PCMTD1: variants seen among roughly 807,000 people sequenced by gnomAD.
PCMTD1 encodes the protein protein-L-isoaspartate (D-aspartate) O-methyltransferase domain containing 1, also known as protein-L-isoaspartate O-methyltransferase domain-containing protein 1.
PCMTD1 carries 12 observed loss-of-function variants against 37.6 expected under a neutral mutation model. The observed-to-expected ratio is 0.32, with a 90% confidence interval of 0.20 to 0.52. The LOEUF is 0.52. Ranked by LOEUF, PCMTD1 falls within the 20% of genes least tolerant of loss-of-function variation. The probability of loss-of-function intolerance (pLI) is 0.97; values close to 1 mark genes in which losing one functional copy is unlikely to be tolerated. For synonymous variants in PCMTD1, 117 were observed against 135.8 expected, an observed-to-expected ratio of 0.86 and a Z score of 0.96; for missense variants, 235 against 421.3, an observed-to-expected ratio of 0.56 and a Z score of 3.87.
rs140162010 is a variant in PCMTD1, at chr8:51,884,248, G to A, written c.-96+14682C>T. On this transcript the variant is annotated intron_variant, in intron 1 of 5. Coordinates refer to ENST00000522514, the MANE Select transcript of PCMTD1 (RefSeq NM_052937.4). ...AGAGCCACTGATCTGAGTCAGTGTG[G>A]TAAAAACAAGCAGTGCCTAAATATT... 2.9e-3 allele frequency among the ~76,000 whole-genome samples: 448 copies of A among 152,236 alleles called. 1 individual carries two copies. Among genetic ancestry groups the A allele is most frequent in the African/African-American group, 0.01 (421 of 41,544 alleles).
chr8:51,891,185 A>G (rs527750998), intron 1 of PCMTD1, among the ~76,000 whole-genome samples: 1 of 152,348 alleles, frequency 6.6e-6, no homozygotes, highest in East Asian at 1.9e-4. Flanking sequence ...GAAATGGGTC[A>G]GTGCAAATGA....
intron 5 of PCMTD1, among the ~76,000 whole-genome samples, chr8:51,827,904 T>C (rs2037944029): frequency 6.6e-6 from 1 of 152,212 alleles, no homozygotes; most frequent in African/African-American, 2.4e-5. Context: ...ATCCAACCAA[T>C]GGCAGTCTTA....
At chr8:51,840,559 T>C (rs1455115507) in intron 3 of PCMTD1, among the ~76,000 whole-genome samples, 5 of 152,092 alleles carry the variant, frequency 3.3e-5, no homozygotes, top group African/African-American at 1.2e-4. Flanking sequence ...TGGAATAATA[T>C]TGAATATATA....
intron 5 of PCMTD1, among the ~76,000 whole-genome samples, chr8:51,823,444 A>C (rs1478214658): frequency 1.3e-5 from 2 of 152,198 alleles, no homozygotes; most frequent in Non-Finnish European, 2.9e-5. Flanking sequence ...CAGCCTGGGC[A>C]ATAGAGTGAG....
At chr8:51,850,497 G>A (rs1198550130) in intron 2 of PCMTD1, among the ~76,000 whole-genome samples, 3 of 152,176 alleles carry the variant, frequency 2.0e-5, no homozygotes, top group African/African-American at 7.2e-5. Context: ...CCCAGGGTCT[G>A]CAGATAATCC....
rs191677847 is a variant in PCMTD1, at chr8:51,862,728, T to C, written c.-95-1482A>G. 1.5e-3 allele frequency among the ~76,000 whole-genome samples: 222 copies of C among 152,292 alleles called. 1 individual carries two copies. The highest frequency in any genetic ancestry group is 5.0e-3 in the African/African-American group (207 of 41,568). ...AGGGCAGCTCCCCTAACACAGCCTA[T>C]CATATTGTCTTTGTCTGTGTCCACT... On this transcript the variant is annotated intron_variant, in intron 1 of 5. Transcript: ENST00000522514.
intron 1 of PCMTD1, among the ~76,000 whole-genome samples, chr8:51,893,671 CA>C (rs2129296148): frequency 6.6e-6 from 1 of 152,120 alleles, no homozygotes; most frequent in East Asian, 1.9e-4. Flanking sequence ...AGGATATGTG[CA>C]CATGGAAAGA....
chr8:51,895,822 T>G (rs1392146933), intron 1 of PCMTD1: 2 of 152,190 alleles, frequency 1.3e-5, no homozygotes, highest in African/African-American at 4.8e-5. Flanking sequence ...ATGAATCCAA[T>G]TATCATCCTT....
chr8:51,870,258 A>G (rs1305131091), intron 1 of PCMTD1: 1 of 152,188 alleles, frequency 6.6e-6, no homozygotes, highest in Non-Finnish European at 1.5e-5. Context: ...CAGTGATCCA[A>G]AGGAAAACAC....
At chr8:51,843,924 A>T (rs1299702885) in intron 3 of PCMTD1, among the ~76,000 whole-genome samples, 4 of 152,162 alleles carry the variant, frequency 2.6e-5, no homozygotes, top group African/African-American at 9.7e-5. Context: ...CTTAAAATAG[A>T]CCTTAAAAAT....
chr8:51,834,115 G>A (rs2038034654), intron 3 of PCMTD1, among the ~76,000 whole-genome samples: 1 of 152,110 alleles, frequency 6.6e-6, no homozygotes, highest in African/African-American at 2.4e-5. Flanking sequence ...GGTTTGTGTA[G>A]AATTCATCTC....
chr8:51,899,166 G>C (rs1194145684), upstream of PCMTD1: 1 of 1,315,504 alleles, frequency 7.6e-7, no homozygotes, highest in Non-Finnish European at 9.7e-7. Flanking sequence ...AAGTCAACAA[G>C]GCCGGGAGAC....
At chr8:51,868,272 A>G (rs1047986308) in intron 1 of PCMTD1, among the ~76,000 whole-genome samples, 1 of 152,176 alleles carries the variant, frequency 6.6e-6, no homozygotes, top group Non-Finnish European at 1.5e-5. Context: ...ACTGAGTGAG[A>G]GAGAAGAGGA....
intron 1 of PCMTD1, among the ~76,000 whole-genome samples, chr8:51,879,966 T>C (rs1393403955): frequency 2.6e-5 from 4 of 151,762 alleles, no homozygotes; most frequent in Non-Finnish European, 5.9e-5. Context: ...GAGGATTGCT[T>C]GAGGCCAGGA....
chr8:51,872,457 G>T (rs1304552159), intron 1 of PCMTD1, among the ~76,000 whole-genome samples: 2 of 151,996 alleles, frequency 1.3e-5, no homozygotes, highest in African/African-American at 4.8e-5. Context: ...TATCCTTATG[G>T]GAACTGCAGC....
rs147098906 is a variant in PCMTD1, at chr8:51,877,204, A to G, written c.-95-15958T>C. ...GCAGTTTTGCCATGAGAGTACACCGAACAAAGGAGACAGGGTCATTTATAA... is the reference window on the plus strand; with the variant it reads ...GCAGTTTTGCCATGAGAGTACACCGGACAAAGGAGACAGGGTCATTTATAA... On this transcript the variant is annotated intron_variant, in intron 1 of 5. Coordinates refer to ENST00000522514, the MANE Select transcript of PCMTD1 (RefSeq NM_052937.4). 2.7e-3 allele frequency among the ~76,000 whole-genome samples: 415 copies of G among 152,360 alleles called. 1 individual carries two copies. The highest frequency in any genetic ancestry group is 9.4e-3 in the African/African-American group (391 of 41,578).
intron 1 of PCMTD1, among the ~76,000 whole-genome samples, chr8:51,893,047 G>T (rs1368046507): frequency 6.6e-6 from 1 of 152,114 alleles, no homozygotes; most frequent in Non-Finnish European, 1.5e-5. Flanking sequence ...TATCTTCAAA[G>T]AAGTATTTAT....
At chr8:51,867,476 G>GTGTGTGT (rs1241435002) in intron 1 of PCMTD1, among the ~76,000 whole-genome samples, 1 of 141,484 alleles carries the variant, frequency 7.1e-6, no homozygotes, top group African/African-American at 2.7e-5. Context: ...TAAAGAAAAT[G>GTGTGTGT]GTGTGTGTGT....
intron 1 of PCMTD1, among the ~76,000 whole-genome samples, chr8:51,889,865 C>CGT (rs3075018): frequency 0.043 from 6,355 of 149,094 alleles, 328 homozygotes; most frequent in African/African-American, 0.13. Context: ...TAAGGATATA[C>CGT]GTGTGTGTGT....
Sources: gnomAD v4.1 joint callset for allele counts (sites outside exome capture counted in the v4.1 genomes callset) on GRCh38, gnomAD v4.1.1 for gene constraint, MANE v1.5 for transcripts, NCBI Gene and HGNC (gene_info 2026-07-23, HGNC 2026-07-21) for gene names.